Variants in CDH13 observed in about 807,000 individuals in gnomAD.
CDH13 encodes the protein cadherin-13.
A neutral mutation model predicts 63.8 loss-of-function variants in CDH13; 24 were observed. The observed-to-expected ratio is 0.38, with a 90% CI of 0.27 to 0.53. The LOEUF is 0.53. CDH13 is among the 20% of genes least tolerant of loss of function. The pLI, the probability that CDH13 is intolerant of heterozygous loss-of-function variation, is 0.85. For missense variants in CDH13, 1,049 were observed against 903.1 expected (o/e 1.16, Z -2.07); for synonymous variants, 503 against 355.3 (o/e 1.42, Z -4.67).
intron 5 of CDH13, among the ~76,000 whole-genome samples, chr16:83,338,183 TTAAAAA>T (rs2090640940): frequency 1.8e-5 from 1 of 56,428 alleles, no homozygotes; most frequent in African/African-American, 6.7e-5. Flanking sequence ...CCTCTTCTTT[TTAAAAA>T]AAAAAAAAAA....
chr16:83,277,285 G>A (rs2089021705), intron 5 of CDH13, among the ~76,000 whole-genome samples: 2 of 152,284 alleles, frequency 1.3e-5, no homozygotes, highest in South Asian at 2.1e-4. Flanking sequence ...CCTTCTCAGG[G>A]CAGGCTGAAC....
intron 1 of CDH13, among the ~76,000 whole-genome samples, chr16:82,811,962 T>C (rs530135133): frequency 2.2e-4 from 33 of 152,258 alleles, no homozygotes; most frequent in Non-Finnish European, 4.4e-4. Context: ...AAAAAGATAT[T>C]GGGACACATG....
At chr16:83,748,566 T>A (rs550761624) in intron 11 of CDH13, among the ~76,000 whole-genome samples, 13 of 152,272 alleles carry the variant, frequency 8.5e-5, no homozygotes, top group Middle Eastern at 3.4e-3. Flanking sequence ...ATGCTCTCAT[T>A]TGCAAAGAGG....
chr16:82,930,740 G>C (rs538997818), intron 2 of CDH13, among the ~76,000 whole-genome samples: 1 of 152,126 alleles, frequency 6.6e-6, no homozygotes, highest in Non-Finnish European at 1.5e-5. Context: ...AAGCTATAAA[G>C]CATTGGTGAT....
intron 2 of CDH13, among the ~76,000 whole-genome samples, chr16:83,018,265 C>G (rs1464257758): frequency 1.3e-5 from 2 of 152,114 alleles, no homozygotes; most frequent in Non-Finnish European, 2.9e-5. Flanking sequence ...ACAGCCCTGC[C>G]AATAATTATG....
At chr16:83,712,176 A>C (rs911264992) in intron 10 of CDH13, among the ~76,000 whole-genome samples, 27 of 152,228 alleles carry the variant, frequency 1.8e-4, no homozygotes, top group African/African-American at 6.5e-4. Flanking sequence ...TAGGACATCC[A>C]CATATATATT....
At chr16:83,543,210 G>T (rs1205742166) in intron 7 of CDH13, among the ~76,000 whole-genome samples, 5 of 152,200 alleles carry the variant, frequency 3.3e-5, no homozygotes, top group Non-Finnish European at 5.9e-5. Context: ...TCCTGATGTT[G>T]CCAGAGGCTT....
At chr16:83,369,264 C>G (rs1291674073) in intron 6 of CDH13, among the ~76,000 whole-genome samples, 1 of 151,818 alleles carries the variant, frequency 6.6e-6, no homozygotes, top group Non-Finnish European at 1.5e-5. Context: ...GGAAAATTAG[C>G]TCATTTTCTA....
intron 7 of CDH13, among the ~76,000 whole-genome samples, chr16:83,565,057 A>G (rs2075769100): frequency 6.6e-6 from 1 of 152,092 alleles, no homozygotes; most frequent in Admixed American, 6.5e-5. Flanking sequence ...AGCGCTTTTG[A>G]GTCTCTCCCT....
At chr16:83,443,206 A>G (rs952574299) in intron 6 of CDH13, among the ~76,000 whole-genome samples, 1 of 152,222 alleles carries the variant, frequency 6.6e-6, no homozygotes, top group African/African-American at 2.4e-5. Context: ...TTACTCCCAC[A>G]GTGATGCTTA....
chr16:82,648,353 A>T (rs1910341185), intron 1 of CDH13, among the ~76,000 whole-genome samples: 1 of 152,258 alleles, frequency 6.6e-6, no homozygotes, highest in Non-Finnish European at 1.5e-5. Context: ...AATAGTAATA[A>T]TAGCCAACGC....
chr16:82,750,709 A>G (rs562248573), intron 1 of CDH13, among the ~76,000 whole-genome samples: 7 of 152,352 alleles, frequency 4.6e-5, no homozygotes, highest in Non-Finnish European at 4.4e-5. Context: ...TGGACAGAAC[A>G]GTAAGGAGAA....
chr16:83,125,966 G>A (rs545538238), intron 4 of CDH13, among the ~76,000 whole-genome samples: 22 of 152,158 alleles, frequency 1.4e-4, no homozygotes, highest in East Asian at 9.7e-4. Flanking sequence ...ATCCAGAATC[G>A]GATATGGAAA....
At chr16:82,877,924 G>C (rs368328245) in intron 2 of CDH13, among the ~76,000 whole-genome samples, 12 of 129,354 alleles carry the variant, frequency 9.3e-5, no homozygotes, top group South Asian at 2.9e-4. Context: ...CATACACATA[G>C]ACACACACAC....
At chr16:83,537,511 G>A (rs946959766) in intron 7 of CDH13, among the ~76,000 whole-genome samples, 2 of 152,086 alleles carry the variant, frequency 1.3e-5, no homozygotes, top group Admixed American at 6.6e-5. Context: ...GGAATATGAG[G>A]GAGATAGGAA....
intron 3 of CDH13, among the ~76,000 whole-genome samples, chr16:83,119,724 T>C (rs2035478732): frequency 6.6e-6 from 1 of 152,160 alleles, no homozygotes; most frequent in Non-Finnish European, 1.5e-5. Flanking sequence ...CACAGAGAGT[T>C]GTCCCGAAGC....
intron 11 of CDH13, among the ~76,000 whole-genome samples, chr16:83,779,219 A>G (rs1915333252): frequency 6.6e-6 from 1 of 151,954 alleles, no homozygotes; most frequent in African/African-American, 2.4e-5. Context: ...AGCCTGGCCA[A>G]CATAGCGAAA....
intron 1 of CDH13, among the ~76,000 whole-genome samples, chr16:82,835,335 G>C (rs1312193370): frequency 6.6e-6 from 1 of 152,104 alleles, no homozygotes; most frequent in Non-Finnish European, 1.5e-5. Flanking sequence ...CATTCACAGG[G>C]AATGCTCCGT....
intron 3 of CDH13, among the ~76,000 whole-genome samples, chr16:83,108,199 T>C (rs2034878237): frequency 6.6e-6 from 1 of 152,144 alleles, no homozygotes; most frequent in South Asian, 2.1e-4. Context: ...AGTATCCGCA[T>C]GATGCATCTC....
Sources: gnomAD v4.1 joint callset for allele counts (sites outside exome capture counted in the v4.1 genomes callset) on GRCh38, gnomAD v4.1.1 for gene constraint, MANE v1.5 for transcripts, NCBI Gene and HGNC (gene_info 2026-07-23, HGNC 2026-07-21) for gene names.